The following ITGB5 variants were observed in gnomAD, a reference collection of about 807,000 sequenced individuals.
The protein encoded by ITGB5 is integrin beta-5.
ITGB5 carries 38 observed loss-of-function variants against 84.8 expected under a neutral mutation model. The ratio of observed to expected loss-of-function variants is 0.45; its 90% CI spans 0.35 to 0.59. The LOEUF (loss-of-function observed/expected upper bound fraction) is 0.59, where lower values mean the gene tolerates loss of function less well. ITGB5 is among the 20% of genes least tolerant of loss of function. The pLI is 0.01. For missense variants in ITGB5, 905 were observed against 1,034.5 expected, an observed-to-expected ratio of 0.87 and a Z score of 1.72; for synonymous variants, 393 against 414.4, an observed-to-expected ratio of 0.95 and a Z score of 0.63.
rs199862649 is a variant in ITGB5, at chr3:124,764,418, G to A, written c.2277C>T (p.Ser759=). The stretch of plus-strand genomic sequence containing the variant: ...TTTCATAGCGGGCCCTGGATCGCTC[G>A]CTCTGAAACTTTGCAAACTCCCTCC... The part of the protein sequence containing the change: ...HDRREFAKFQ[S]ERSRARYEMA... The change falls in exon 14 of 15, where the codon AGC becomes AGT. Residue 759 remains serine (S), a synonymous_variant. Coordinates refer to ENST00000296181, the MANE Select transcript of ITGB5 (RefSeq NM_002213.5). 39 of 1,612,456 alleles carry A rather than the reference G, an allele frequency of 2.4e-5. No individual in the cohort carries two copies. The highest frequency in any genetic ancestry group is 1.6e-4 in the Middle Eastern group (1 of 6,082).
chr3:124,819,939 C>G (rs1054006223), intron 6 of ITGB5, 105 bp from the exon 7 acceptor site: 5 of 862,324 alleles, frequency 5.8e-6, no homozygotes, highest in African/African-American at 3.3e-5. Flanking sequence ...AGGGAAGCAC[C>G]TTTTCCTTAG....
At chr3:124,810,328 TG>T (rs2107539223) in intron 8 of ITGB5, among the ~76,000 whole-genome samples, 1 of 150,200 alleles carries the variant, frequency 6.7e-6, no homozygotes, top group Admixed American at 6.6e-5. Flanking sequence ...GGGATTGCGA[TG>T]GAAGAGGGCA....
rs143582866 is a variant in ITGB5 at position 124,818,502 on chromosome 3, C to CT, written c.1039-793dup. On this transcript the variant is annotated intron_variant, in intron 7 of 14. Coordinates refer to ENST00000296181, the MANE Select transcript of ITGB5 (RefSeq NM_002213.5). ...AAAACGTTATTTGTAAGTGCATAGG[C>CT]TTTTTTTTTTTTTTTTTTTTTTTTT... 4.7e-3 allele frequency among the ~76,000 whole-genome samples: 322 copies of CT among 68,200 alleles called. 67 individuals are homozygous for CT. Among genetic ancestry groups the CT allele is most frequent in the Middle Eastern group, 0.028 (2 of 72 alleles). The allele number at this position is 68,200 out of a possible 152,430, so 44.7% of individuals were successfully genotyped here.
rs540185015 is a variant in ITGB5 at position 124,768,315 on chromosome 3, T to G, written c.2017+698A>C. Among the ~76,000 whole-genome samples, 3 of 152,332 alleles carry G rather than the reference T, an allele frequency of 2.0e-5. No homozygotes were observed. The South Asian group carries it at 6.2e-4, about 32-fold the overall frequency. ...CATTTTAAAGTGTACAATCAGTCGTTTTACTCAACTCACAATGTTGTGTAA... is the reference window on the plus strand; with the variant it reads ...CATTTTAAAGTGTACAATCAGTCGTGTTACTCAACTCACAATGTTGTGTAA... On this transcript the variant is annotated intron_variant, in intron 12 of 14. Transcript: ENST00000296181.
At chr3:124,872,436 A>T (rs547007152) in intron 2 of ITGB5, among the ~76,000 whole-genome samples, 3 of 152,156 alleles carry the variant, frequency 2.0e-5, no homozygotes, top group Non-Finnish European at 4.4e-5. Flanking sequence ...AAAGTGTATG[A>T]CATCTAGTAG....
chr3:124,900,937 G>C (rs1185934631), intron 1 of ITGB5, among the ~76,000 whole-genome samples: 2 of 152,076 alleles, frequency 1.3e-5, no homozygotes, highest in Non-Finnish European at 2.9e-5. Flanking sequence ...GAGCAATAAA[G>C]AGGACAATAT....
intron 9 of ITGB5, among the ~76,000 whole-genome samples, chr3:124,799,238 A>G (rs2064279423): frequency 6.6e-6 from 1 of 152,222 alleles, no homozygotes; most frequent in Non-Finnish European, 1.5e-5. Context: ...CCACTTGGAC[A>G]CTGAAATTGG....
At chr3:124,805,654 A>C (rs549576537) in intron 9 of ITGB5, among the ~76,000 whole-genome samples, 1 of 151,798 alleles carries the variant, frequency 6.6e-6, no homozygotes, top group East Asian at 1.9e-4. Flanking sequence ...GTCTCATTTC[A>C]TTGTCCAGGC....
rs1456364848 is a variant in ITGB5 at position 124,796,733 on chromosome 3, G to A, written c.1348C>T (p.Arg450Trp). 4.3e-6 allele frequency: 7 copies of A among 1,614,090 alleles called. No individual in the cohort carries two copies. The highest frequency in any genetic ancestry group is 5.9e-6 in the Non-Finnish European group (7 of 1,180,030). Reference sequence around the variant, plus strand: ...GTGACCCCCACCTCCAGGCTGTCCCGGAATCCCACCGGCCGCAGGGCAAAC... The same window carrying A: ...GTGACCCCCACCTCCAGGCTGTCCCAGAATCCCACCGGCCGCAGGGCAAAC... ...HVFALRPVGF[R>W]DSLEVGVTYN... The change falls in exon 10 of 15, where the codon CGG becomes TGG. Residue 450 changes from arginine to tryptophan, a missense_variant. Coordinates refer to ENST00000296181, the MANE Select transcript of ITGB5 (RefSeq NM_002213.5).
At chr3:124,818,482 G>A (rs1006398218) in intron 7 of ITGB5, among the ~76,000 whole-genome samples, 4 of 124,934 alleles carry the variant, frequency 3.2e-5, no homozygotes, top group Admixed American at 2.6e-4. Context: ...AACATAAAAC[G>A]TTATTTGTAA....
In ITGB5 at chr3:124,873,525, T is replaced by C. The variant is rs770289762; in HGVS notation, c.77A>G (p.Asn26Ser). The C allele has an allele frequency of 1.2e-6, 2 of 1,612,408 alleles. No homozygotes were observed. The highest frequency in any genetic ancestry group is 2.2e-5 in the South Asian group (2 of 91,068). The change falls in exon 2 of 15, where the codon AAC (asparagine) becomes AGC (serine). Residue 26 changes from asparagine to serine, a missense_variant. Coordinates refer to ENST00000296181, the MANE Select transcript of ITGB5 (RefSeq NM_002213.5). ...CALLPRLAGL[N>S]ICTSGSATSC... The stretch of plus-strand genomic sequence containing the variant: ...GGTGGCACTTCCACTAGTGCATATG[T>C]TGAGACCTTTAAAGCAAGATAAAGA...
intron 2 of ITGB5, among the ~76,000 whole-genome samples, chr3:124,870,636 G>A (rs1933968260): frequency 6.7e-6 from 1 of 150,126 alleles, no homozygotes; most frequent in Non-Finnish European, 1.5e-5. Context: ...CTGAGGCAGA[G>A]AATTGCTTAA....
chr3:124,805,336 T>C (rs2107530869), intron 9 of ITGB5, among the ~76,000 whole-genome samples: 1 of 152,014 alleles, frequency 6.6e-6, no homozygotes, highest in East Asian at 1.9e-4. Context: ...GGAGACTGGG[T>C]TTTGCCATGT....
chr3:124,840,959 C>T (rs912112243), intron 5 of ITGB5, among the ~76,000 whole-genome samples: 5 of 152,192 alleles, frequency 3.3e-5, no homozygotes, highest in Non-Finnish European at 7.3e-5. Flanking sequence ...CCACCACGCC[C>T]GGCCTCACAC....
At chr3:124,773,972 A>T in intron 10 of ITGB5, 60 bp from the exon 11 acceptor site, 1 of 1,450,272 alleles carries the variant, frequency 6.9e-7, no homozygotes, top group South Asian at 1.2e-5. Flanking sequence ...GCACATAACC[A>T]TCTGGTGCCC....
rs115155628 is a variant in ITGB5 at position 124,894,062 on chromosome 3, A to G, written c.-255+7204T>C. Among the ~76,000 whole-genome samples, 1,129 of 151,328 alleles carry G rather than the reference A, an allele frequency of 7.5e-3. 10 individuals are homozygous for G. The highest frequency in any genetic ancestry group is 0.026 in the African/African-American group (1,053 of 41,184). ...TAATTATATATTCTAGAGGAAATAT[A>G]TATTTTCCAGCTTTCATGAATGATG... On this transcript the variant is annotated intron_variant, in intron 1 of 4. Transcript: ENST00000608657.
intron 2 of ITGB5, among the ~76,000 whole-genome samples, chr3:124,867,853 G>T (rs1039568433): frequency 5.9e-5 from 9 of 152,152 alleles, no homozygotes; most frequent in African/African-American, 1.9e-4. Flanking sequence ...TAAACTGCTG[G>T]GATTTGTTGT....
Position 124,848,329 on chromosome 3 carries a change from G to A in ITGB5, c.591C>T (p.Tyr197=), listed in dbSNP as rs751111202. ...CTTACCCAATGCACGGATTGGTCTGGTACCTCGGTGCCGTGTAGGAGAAAG... is the reference window on the plus strand; with the variant it reads ...CTTACCCAATGCACGGATTGGTCTGATACCTCGGTGCCGTGTAGGAGAAAG... ...ISPFSYTAPR[Y]QTNPCIGYKL... The change falls in exon 4 of 15, where the codon TAC becomes TAT. Residue 197 remains tyrosine (Y), a synonymous_variant. Coordinates refer to ENST00000296181, the MANE Select transcript of ITGB5 (RefSeq NM_002213.5). 3 of 1,614,168 alleles carry A rather than the reference G, an allele frequency of 1.9e-6. No individual in the cohort carries two copies. Among genetic ancestry groups the A allele is most frequent in the East Asian group, 2.2e-5 (1 of 44,886 alleles).
chr3:124,776,293 T>G, intron 10 of ITGB5, among the ~76,000 whole-genome samples: 1 of 152,016 alleles, frequency 6.6e-6, no homozygotes, highest in East Asian at 1.9e-4. Flanking sequence ...CAGCAGGAAC[T>G]CCCCACGGGG....
Sources: allele counts gnomAD v4.1 joint callset (sites outside exome capture counted in the v4.1 genomes callset), GRCh38; gene constraint gnomAD v4.1.1; transcripts MANE v1.5; gene names NCBI Gene and HGNC (gene_info 2026-07-23, HGNC 2026-07-21).